LRRC24: variants seen among roughly 807,000 people sequenced by gnomAD.
The protein encoded by LRRC24 is leucine-rich repeat-containing protein 24.
LRRC24 carries 19 observed loss-of-function variants against 15.3 expected under a neutral mutation model. That is an observed-to-expected ratio of 1.25 (90% CI 0.87 to 1.83). LRRC24 has a LOEUF of 1.83. Among genes scored for constraint, LRRC24 ranks in the 40% most tolerant of loss-of-function variants. The probability of loss-of-function intolerance (pLI) is 0.00; values close to 1 mark genes in which losing one functional copy is unlikely to be tolerated. For missense variants in LRRC24, 914 were observed against 723.9 expected, an observed-to-expected ratio of 1.26 and a Z score of -3.01; for synonymous variants, 469 against 359.6, an observed-to-expected ratio of 1.30 and a Z score of -3.44.
At position 144,523,343 on chromosome 8, in the gene LRRC24, C is replaced by A. The variant is rs568036554; in HGVS notation, c.674G>T (p.Arg225Leu). 6 of 1,587,212 alleles carry A rather than the reference C, an allele frequency of 3.8e-6. No individual in the cohort carries two copies. In the African/African-American group the frequency reaches 8.1e-5, roughly 21 times the overall value. Residue 225 changes from arginine (R) to leucine (L), a missense_variant, in exon 5 of 5, where the codon CGG (arginine) becomes CTG (leucine). Coordinates refer to ENST00000529415, the MANE Select transcript of LRRC24 (RefSeq NM_001024678.4). ...CTTCCTGTCCCTGGAGGTGAGCAGC[C>A]GCTGGCCGCCCTCCTTGATCCAGGC... is the stretch of plus-strand genomic sequence containing the variant. The part of the protein sequence containing the change: ...LGAWIKEGGQ[R>L]LLTSRDRKIM...
Position 144,524,566 on chromosome 8 carries a change from G to C in LRRC24, c.313C>G (p.Leu105Val), listed in dbSNP as rs769765632. ...RAQPRLLELA[L>V]TSNRLRGLRS... ...AAGCCGCGCAGCCGGTTGCTAGTGA[G>C]CGCCAGCTCCAGCAGGCGCGGCTGC... The change falls in exon 3 of 5, where the codon CTC (leucine) becomes GTC (valine). Residue 105 changes from leucine (L) to valine (V), a missense_variant. Leu to Val is a conservative substitution (Grantham distance 32). Transcript: ENST00000529415. 21 of 1,564,824 alleles carry C rather than the reference G, an allele frequency of 1.3e-5. No homozygotes were observed. The highest frequency in any genetic ancestry group is 1.8e-5 in the Non-Finnish European group (21 of 1,164,156).
Position 144,522,580 on chromosome 8 carries a change from G to C in LRRC24, c.1437C>G (p.Leu479=). The change falls in exon 5 of 5, where the codon CTC becomes CTG. Residue 479 remains leucine (L), a synonymous_variant. Transcript: ENST00000529415. ...EMFVINRSKP[L]FAEGPAEAPA... ...GCGCCTCCGCCGGACCCTCGGCGAA[G>C]AGCGGCTTGGAGCGGTTGATGACGA... 1 of 1,552,080 alleles carries C rather than the reference G, an allele frequency of 6.4e-7. No homozygotes were observed. Among genetic ancestry groups the C allele is most frequent in the Non-Finnish European group, 8.7e-7 (1 of 1,151,748 alleles).
In LRRC24 at chr8:144,523,206, C is replaced by T. The variant is rs781225532; in HGVS notation, c.811G>A (p.Ala271Thr). 1.9e-6 allele frequency: 3 copies of T among 1,609,418 alleles called. No individual in the cohort carries two copies. In the South Asian group the frequency reaches 3.3e-5, roughly 18 times the overall value. Residue 271 changes from alanine to threonine, a missense_variant, in exon 5 of 5, where the codon GCC (alanine) becomes ACC (threonine). Transcript: ENST00000529415. Reference sequence around the variant, plus strand: ...ACCCGCAGGTCCTCACCCAGGTTGGCTGTGAGCTCCAGCGGCTGCACGTGG... The same window carrying T: ...ACCCGCAGGTCCTCACCCAGGTTGGTTGTGAGCTCCAGCGGCTGCACGTGG... ...SVHVQPLELT[A>T]NLGEDLRVAC...
At position 144,523,429 on chromosome 8, in the gene LRRC24, G is replaced by T; in HGVS notation, c.608-20C>A. ...GGTTCTCTGTGGGAGAGCAGCGTTAGGCAGGTGGCTTGAGGGTGCTGCTAA... is the reference window on the plus strand; with the variant it reads ...GGTTCTCTGTGGGAGAGCAGCGTTATGCAGGTGGCTTGAGGGTGCTGCTAA... On this transcript the variant is annotated intron_variant, in intron 4 of 4. Transcript: ENST00000529415. 6.6e-7 allele frequency: 1 copy of T among 1,513,374 alleles called. No individual in the cohort carries two copies. Among genetic ancestry groups the T allele is most frequent in the South Asian group, 1.3e-5 (1 of 75,702 alleles). 93.7% of individuals were successfully genotyped at this position (1,513,374 alleles called of 1,614,324 possible). A position where few individuals can be genotyped will look rare whatever the true frequency, so the allele number is the denominator to read the frequency against.
At chr8:144,525,679 G>A (rs1272535657) in intron 1 of LRRC24, 1 of 152,236 alleles carries the variant, frequency 6.6e-6, no homozygotes, top group Non-Finnish European at 1.5e-5. Flanking sequence ...ACCTGTCAGA[G>A]AATTGGGGGA....
At chr8:144,525,097 C>T in intron 1 of LRRC24, 64 bp from the exon 2 acceptor site, 1 of 1,094,454 alleles carries the variant, frequency 9.1e-7, no homozygotes, top group Non-Finnish European at 1.2e-6. Context: ...GGAATGGAGG[C>T]CTGCACCTGC....
At position 144,522,792 on chromosome 8, in the gene LRRC24, C is replaced by T; in HGVS notation, c.1225G>A (p.Ala409Thr). ...GTGAGCGCCAGCAGCGCGATGGCCG[C>T]CGCAATGGCCGTCTGTGTGGCCACG... ...LGVATQTAIA[A>T]AIALLALTAL... The change falls in exon 5 of 5, where the codon GCG becomes ACG. Residue 409 changes from alanine (A) to threonine (T), a missense_variant. Coordinates refer to ENST00000529415, the MANE Select transcript of LRRC24 (RefSeq NM_001024678.4). 1 of 1,546,138 alleles carries T rather than the reference C, an allele frequency of 6.5e-7. No homozygotes were observed. Among genetic ancestry groups the T allele is most frequent in the Non-Finnish European group, 8.7e-7 (1 of 1,150,730 alleles).
chr8:144,524,282 A>G lies in LRRC24; in HGVS notation c.439-4T>C. On this transcript the variant is annotated splice_region_variant and splice_polypyrimidine_tract_variant and intron_variant, in intron 3 of 4. Transcript: ENST00000529415. ...GCAGGTGAAGCTCCTGCAGTCGCTG[A>G]AGTAAGGACAGCAGATCGTGAGGAA... 2 of 1,611,238 alleles carry G rather than the reference A, an allele frequency of 1.2e-6. No homozygotes were observed. Among genetic ancestry groups the G allele is most frequent in the Non-Finnish European group, 1.7e-6 (2 of 1,179,900 alleles).
intron 4 of LRRC24, 158 bp from the exon 5 acceptor site, chr8:144,523,567 T>A: frequency 3.3e-6 from 4 of 1,206,140 alleles, no homozygotes; most frequent in Non-Finnish European, 4.3e-6. Flanking sequence ...GACCCCAAGC[T>A]CCTTGGGGCG....
chr8:144,526,264 G>A (rs1816355946), intron 1 of LRRC24: 1 of 152,270 alleles, frequency 6.6e-6, no homozygotes, highest in African/African-American at 2.4e-5. Context: ...GGCCCAGGCA[G>A]AGGCAGTTCC....
At position 144,524,531 on chromosome 8, in the gene LRRC24, G is replaced by A; in HGVS notation, c.348C>T (p.Gly116=). 6.3e-7 allele frequency: 1 copy of A among 1,587,904 alleles called. No homozygotes were observed. The highest frequency in any genetic ancestry group is 1.3e-5 in the African/African-American group (1 of 74,858). The change falls in exon 3 of 5, where the codon GGC becomes GGT. Residue 116 remains glycine, a synonymous_variant. Transcript: ENST00000529415. Reference sequence around the variant, plus strand: ...GCAGCTGGGCCAGGCCTACGAAGGCGCCGCTGCGCAAGCCGCGCAGCCGGT... The same window carrying A: ...GCAGCTGGGCCAGGCCTACGAAGGCACCGCTGCGCAAGCCGCGCAGCCGGT... The part of the protein sequence containing the change: ...TSNRLRGLRS[G]AFVGLAQLRV...
chr8:144,522,964 G>T lies in LRRC24; in HGVS notation c.1053C>A (p.Gly351=). ...GCCGGAAGGGCACGCGGGCAGCGCCGCCGGCGTTGGAGGCCTCGCACTCGT... is the reference window on the plus strand; with the variant it reads ...GCCGGAAGGGCACGCGGGCAGCGCCTCCGGCGTTGGAGGCCTCGCACTCGT... ...GKYECEASNA[G]GAARVPFRLL... Residue 351 remains glycine, a synonymous_variant, in exon 5 of 5, where the codon GGC becomes GGA. Coordinates refer to ENST00000529415, the MANE Select transcript of LRRC24 (RefSeq NM_001024678.4). 6.3e-7 allele frequency: 1 copy of T among 1,579,182 alleles called. No homozygotes were observed. Among genetic ancestry groups the T allele is most frequent in the South Asian group, 1.1e-5 (1 of 89,230 alleles).
intron 2 of LRRC24, 38 bp downstream of exon 2, chr8:144,524,778 G>GGGCA: frequency 7.0e-7 from 1 of 1,435,922 alleles, no homozygotes; most frequent in South Asian, 1.4e-5. Context: ...CTCTCCCTGG[G>GGGCA]GGCACCCCGT....
In LRRC24 at chr8:144,522,782, G is replaced by T. The variant is rs1262581157; in HGVS notation, c.1235C>A (p.Ala412Glu). Reference sequence around the variant, plus strand: ...GAGCAGCGCCGTGAGCGCCAGCAGCGCGATGGCCGCCGCAATGGCCGTCTG... The same window carrying T: ...GAGCAGCGCCGTGAGCGCCAGCAGCTCGATGGCCGCCGCAATGGCCGTCTG... ...ATQTAIAAAI[A>E]LLALTALLLV... Residue 412 changes from alanine to glutamate, a missense_variant, in exon 5 of 5, where the codon GCG becomes GAG. Ala to Glu is a moderately radical substitution (Grantham distance 107, BLOSUM62 -1). Transcript: ENST00000529415. 6.4e-7 allele frequency: 1 copy of T among 1,556,554 alleles called. No individual in the cohort carries two copies.
chr8:144,524,103 G>A lies in LRRC24; in HGVS notation c.607+7C>T. The stretch of plus-strand genomic sequence containing the variant: ...CCAGACAGAGACGCTTTCCGAGGAA[G>A]AGGTACCTGTGAGGCGCAGGACTTG... On this transcript the variant is annotated splice_region_variant and intron_variant, in intron 4 of 4. Transcript: ENST00000529415. 6.3e-7 allele frequency: 1 copy of A among 1,593,148 alleles called. No individual in the cohort carries two copies. Among genetic ancestry groups the A allele is most frequent in the Non-Finnish European group, 8.6e-7 (1 of 1,165,282 alleles).
Position 144,522,704 on chromosome 8 carries a change from G to A in LRRC24, c.1313C>T (p.Pro438Leu). The A allele has an allele frequency of 6.3e-7, 1 of 1,596,740 alleles. No individual in the cohort carries two copies. The highest frequency in any genetic ancestry group is 8.5e-7 in the Non-Finnish European group (1 of 1,172,740). ...RRRRRKKARG[P>L]PGEGALFVND... ...GACGAACAGCGCTCCCTCCCCCGGA[G>A]GCCCCCGCGCCTTTTTTCGCCTGCG... The change falls in exon 5 of 5, where the codon CCT (proline) becomes CTT (leucine). Residue 438 changes from proline to leucine, a missense_variant. Transcript: ENST00000529415.
At position 144,522,499 on chromosome 8, in the gene LRRC24, C is replaced by A. The variant is rs1449481775; in HGVS notation, c.1518G>T (p.Pro506=). The part of the protein sequence containing the change: ...GAGPGLRVPP[P]VAYEIHC The stretch of plus-strand genomic sequence containing the variant: ...CCTAGCAGTGGATCTCGTAGGCGAC[C>A]GGCGGGGGCACGCGGAGTCCCGGCC... The change falls in exon 5 of 5, where the codon CCG becomes CCT. Residue 506 remains proline, a synonymous_variant. Coordinates refer to ENST00000529415, the MANE Select transcript of LRRC24 (RefSeq NM_001024678.4). The A allele has an allele frequency of 4.0e-6, 6 of 1,493,946 alleles. No homozygotes were observed. The highest frequency in any genetic ancestry group is 5.3e-6 in the Non-Finnish European group (6 of 1,127,806). The allele number at this position is 1,493,946 out of a possible 1,614,324, so 92.5% of individuals were successfully genotyped here.
chr8:144,526,257 C>T (rs1816355680), intron 1 of LRRC24: 1 of 152,204 alleles, frequency 6.6e-6, no homozygotes, highest in Non-Finnish European at 1.5e-5. Context: ...TAGCTTTGGC[C>T]CAGGCAGAGG....
At position 144,524,533 on chromosome 8, in the gene LRRC24, CGCTGCGCAA is replaced by C; in HGVS notation, c.337_345del (p.Leu113_Ser115del). On this transcript the variant is annotated inframe_deletion, in exon 3 of 5. Coordinates refer to ENST00000529415, the MANE Select transcript of LRRC24 (RefSeq NM_001024678.4). ...AGCTGGGCCAGGCCTACGAAGGCGC[CGCTGCGCAA>C]GCCGCGCAGCCGGTTGCTAGTGAGC... 1.3e-5 allele frequency: 20 copies of C among 1,587,652 alleles called. No individual in the cohort carries two copies. The highest frequency in any genetic ancestry group is 1.6e-5 in the Non-Finnish European group (19 of 1,175,598).
Sources: gnomAD v4.1 joint callset for allele counts on GRCh38, gnomAD v4.1.1 for gene constraint, MANE v1.5 for transcripts, NCBI Gene and HGNC (gene_info 2026-07-23, HGNC 2026-07-21) for gene names.